TBC1D2B: variants seen among roughly 807,000 people sequenced by gnomAD.
The protein encoded by TBC1D2B is TBC1 domain family, member 2B.
TBC1D2B carries 64 observed loss-of-function variants against 100.8 expected under a neutral mutation model. That is an observed-to-expected ratio of 0.64 (90% CI 0.52 to 0.78). TBC1D2B has a LOEUF of 0.78. Ranked by LOEUF, TBC1D2B falls within the 30% of genes least tolerant of loss-of-function variation. The probability of loss-of-function intolerance (pLI) is 0.00; values close to 1 mark genes in which losing one functional copy is unlikely to be tolerated. For missense variants in TBC1D2B, 1,052 were observed against 1,218.4 expected (o/e 0.86, Z 2.03); for synonymous variants, 480 against 479.7 (o/e 1.00, Z -0.01).
intron 1 of TBC1D2B, among the ~76,000 whole-genome samples, chr15:78,058,149 G>A (rs2073464936): frequency 6.6e-6 from 1 of 152,184 alleles, no homozygotes. Flanking sequence ...GTGGCTCATT[G>A]AAAATTTAAA....
intron 3 of TBC1D2B, among the ~76,000 whole-genome samples, chr15:78,031,554 C>CAAAAAAAAA (rs1225713046): frequency 0.047 from 2,582 of 54,644 alleles, 621 homozygotes; most frequent in East Asian, 0.15. Flanking sequence ...ACTCTGTCTC[C>CAAAAAAAAA]AAAAAAAAAA....
At chr15:78,047,332 G>A (rs1253100650) in intron 2 of TBC1D2B, among the ~76,000 whole-genome samples, 8 of 152,066 alleles carry the variant, frequency 5.3e-5, no homozygotes, top group Non-Finnish European at 1.2e-4. Flanking sequence ...ACTAGGCACC[G>A]AGGGCACAAC....
rs1387913086 is a variant in TBC1D2B at position 78,012,814 on chromosome 15, T to C, written c.2270+9A>G. 6.7e-7 allele frequency: 1 copy of C among 1,486,482 alleles called. No homozygotes were observed. Among genetic ancestry groups the C allele is most frequent in the African/African-American group, 1.4e-5 (1 of 71,258 alleles). The allele number at this position is 1,486,482 out of a possible 1,614,324, so 92.1% of individuals were successfully genotyped here. A position where few individuals can be genotyped will look rare whatever the true frequency, so the allele number is the denominator to read the frequency against. On this transcript the variant is annotated intron_variant, in intron 9 of 12. Coordinates refer to ENST00000300584, the MANE Select transcript of TBC1D2B (RefSeq NM_144572.2). ...TGGCAAATGGGAACATTTTGTGCTGTGCACCCACCTGTTTAGGCCTTGACA... is the reference window on the plus strand; with the variant it reads ...TGGCAAATGGGAACATTTTGTGCTGCGCACCCACCTGTTTAGGCCTTGACA...
At chr15:78,034,540 G>A (rs1282469927) in intron 3 of TBC1D2B, 10 of 985,444 alleles carry the variant, frequency 1.0e-5, no homozygotes, top group Non-Finnish European at 1.2e-5. Context: ...GCAGGAAAGA[G>A]AAATAAGAGC....
intron 4 of TBC1D2B, among the ~76,000 whole-genome samples, chr15:78,025,792 T>C (rs890871520): frequency 2.0e-5 from 3 of 152,148 alleles, no homozygotes; most frequent in Non-Finnish European, 4.4e-5. Flanking sequence ...TCCCGAAGTG[T>C]TGGGATTACA....
At chr15:78,063,507 G>C (rs1208060804) in intron 1 of TBC1D2B, among the ~76,000 whole-genome samples, 1 of 152,180 alleles carries the variant, frequency 6.6e-6, no homozygotes, top group Non-Finnish European at 1.5e-5. Flanking sequence ...CTCTAGGTTG[G>C]CTTCAGGGAC....
intron 2 of TBC1D2B, among the ~76,000 whole-genome samples, chr15:78,050,885 C>T (rs1567030041): frequency 6.6e-6 from 1 of 152,174 alleles, no homozygotes. Context: ...ACTTATAGAC[C>T]TTGGTTTTGA....
intron 10 of TBC1D2B, among the ~76,000 whole-genome samples, chr15:78,008,266 G>A (rs903802936): frequency 3.9e-5 from 6 of 152,348 alleles, no homozygotes; most frequent in African/African-American, 7.2e-5. Flanking sequence ...GGCCCCTGGC[G>A]TCAGACTCCA....
At chr15:78,037,337 T>G (rs1326146540) in intron 3 of TBC1D2B, among the ~76,000 whole-genome samples, 2 of 152,134 alleles carry the variant, frequency 1.3e-5, no homozygotes, top group Non-Finnish European at 2.9e-5. Flanking sequence ...GGACAGTCCC[T>G]CTCCATCTCT....
intron 6 of TBC1D2B, among the ~76,000 whole-genome samples, chr15:78,021,998 C>A (rs1437184434): frequency 6.6e-6 from 1 of 152,228 alleles, no homozygotes; most frequent in Admixed American, 6.5e-5. Flanking sequence ...GTGTCACGCA[C>A]GCCCTGGAAA....
chr15:78,013,765 G>A (rs2072298204), intron 8 of TBC1D2B, among the ~76,000 whole-genome samples: 1 of 152,108 alleles, frequency 6.6e-6, no homozygotes, highest in Non-Finnish European at 1.5e-5. Flanking sequence ...AAGCTATTAG[G>A]GATAAGGATG....
intron 10 of TBC1D2B, among the ~76,000 whole-genome samples, chr15:78,006,993 C>T (rs1232167453): frequency 1.3e-5 from 2 of 152,240 alleles, no homozygotes. Context: ...GAGGCCTGCA[C>T]CCGAGCAGCG....
intron 1 of TBC1D2B, among the ~76,000 whole-genome samples, chr15:78,061,722 TAATGAATTTAATAAAAACCATTAAATG>T (rs1165643726): frequency 2.0e-5 from 3 of 151,160 alleles, no homozygotes; most frequent in African/African-American, 7.3e-5. Context: ...TTTAATAAAC[TAATGAATTTAATAAAAACCATTAAATG>T]AATGAATTTA....
At chr15:78,056,884 G>T (rs1408554287) in intron 1 of TBC1D2B, among the ~76,000 whole-genome samples, 1 of 152,008 alleles carries the variant, frequency 6.6e-6, no homozygotes, top group African/African-American at 2.4e-5. Context: ...TGACTACCTG[G>T]CCCCTCCATC....
rs753726670 is a variant in TBC1D2B, at chr15:78,054,053, A to T, written c.495T>A (p.Leu165=). The part of the protein sequence containing the change: ...SPTPGDFPKG[L]VARDNTDLIY... The stretch of plus-strand genomic sequence containing the variant: ...CCTTACCAGTGTTATCTCTGGCTAC[A>T]AGACCCTTAGGAAAATCCCCGGGAG... Residue 165 remains leucine, a synonymous_variant, in exon 2 of 13, where the codon CTT becomes CTA. Coordinates refer to ENST00000300584, the MANE Select transcript of TBC1D2B (RefSeq NM_144572.2). The T allele has an allele frequency of 6.2e-7, 1 of 1,613,410 alleles. No homozygotes were observed. The highest frequency in any genetic ancestry group is 2.2e-5 in the East Asian group (1 of 44,856).
At chr15:78,067,380 C>T (rs1304150471) in intron 1 of TBC1D2B, among the ~76,000 whole-genome samples, 1 of 152,234 alleles carries the variant, frequency 6.6e-6, no homozygotes, top group Non-Finnish European at 1.5e-5. Context: ...CAAAGCTTGA[C>T]TCCTGCTCAA....
chr15:78,042,313 T>C (rs11634607), intron 3 of TBC1D2B, among the ~76,000 whole-genome samples: 95,079 of 151,966 alleles, frequency 0.63, 29,648 homozygotes, highest in Admixed American at 0.64. Context: ...ATCTGGCAAA[T>C]CAATAGTCCC....
At chr15:78,001,878 T>G in intron 11 of TBC1D2B, 138 bp from the exon 12 acceptor site, 3 of 969,410 alleles carry the variant, frequency 3.1e-6, no homozygotes, top group Non-Finnish European at 4.4e-6. Flanking sequence ...GAAAGACTAT[T>G]GACCTGAGGG....
intron 3 of TBC1D2B, among the ~76,000 whole-genome samples, chr15:78,032,419 T>A (rs28594417): frequency 0.045 from 6,700 of 147,762 alleles, 281 homozygotes; most frequent in African/African-American, 0.11. Flanking sequence ...ATAAAAAAAA[T>A]ATATATATAT....
Sources: allele counts gnomAD v4.1 joint callset (sites outside exome capture counted in the v4.1 genomes callset), GRCh38; gene constraint gnomAD v4.1.1; transcripts MANE v1.5; gene names NCBI Gene and HGNC (gene_info 2026-07-23, HGNC 2026-07-21).